Variants in FADD observed in about 807,000 individuals in gnomAD.
FADD encodes the protein Fas associated via death domain.
Under a neutral mutation model 5.8 loss-of-function variants are expected in FADD, and 3 were observed. The ratio of observed to expected loss-of-function variants is 0.52; its 90% CI spans 0.24 to 1.34. The LOEUF is 1.34. Among genes scored for constraint, FADD ranks in the 40% most tolerant of loss-of-function variants. The pLI is 0.17. For missense variants in FADD, 249 were observed against 286.7 expected, an observed-to-expected ratio of 0.87 and a Z score of 0.95; for synonymous variants, 138 against 130.8, an observed-to-expected ratio of 1.06 and a Z score of -0.38.
At chr11:70,204,119 A>G (rs1006354578) in intron 1 of FADD, among the ~76,000 whole-genome samples, 8 of 152,194 alleles carry the variant, frequency 5.3e-5, no homozygotes, top group Non-Finnish European at 1.0e-4. Flanking sequence ...GAGTAATACT[A>G]GCATTCAGTA....
chr11:70,203,694 G>A lies in FADD; in HGVS notation c.235G>A (p.Val79Ile). Residue 79 changes from valine (V) to isoleucine (I), a missense_variant, in exon 1 of 2, where the codon GTC (valine) becomes ATC (isoleucine). Physicochemically the swap from Val to Ile is conservative, Grantham distance 29. Coordinates refer to ENST00000301838, the MANE Select transcript of FADD (RefSeq NM_003824.4). ...SLRRHDLLRR[V>I]DDFEAGAAAG... ...GCGGCGCCACGACCTGCTGCGGCGC[G>A]TCGACGACTTCGAGGCGGGGGCGGC... The A allele has an allele frequency of 6.7e-7, 1 of 1,488,690 alleles. No individual in the cohort carries two copies. Among genetic ancestry groups the A allele is most frequent in the Non-Finnish European group, 8.9e-7 (1 of 1,124,844 alleles). The allele number at this position is 1,488,690 out of a possible 1,614,324, so 92.2% of individuals were successfully genotyped here.
chr11:70,204,589 A>C (rs2049445728), intron 1 of FADD, among the ~76,000 whole-genome samples: 1 of 152,182 alleles, frequency 6.6e-6, no homozygotes, highest in African/African-American at 2.4e-5. Context: ...TCAGCCATTC[A>C]GTCACCAATC....
At chr11:70,205,008 A>G (rs1211475227) in intron 1 of FADD, among the ~76,000 whole-genome samples, 1 of 152,184 alleles carries the variant, frequency 6.6e-6, no homozygotes, top group Non-Finnish European at 1.5e-5. Flanking sequence ...CCACACTCTT[A>G]GGGTTTCAGA....
In FADD at chr11:70,206,282, A is replaced by C; in HGVS notation, c.436A>C (p.Arg146=). 3.7e-6 allele frequency: 6 copies of C among 1,614,212 alleles called. No individual in the cohort carries two copies. Among genetic ancestry groups the C allele is most frequent in the Non-Finnish European group, 4.2e-6 (5 of 1,180,032 alleles). ...GACAGAGCGTGTGCGGGAGTCACTGAGAATCTGGAAGAACACAGAGAAGGA... is the reference window on the plus strand; with the variant it reads ...GACAGAGCGTGTGCGGGAGTCACTGCGAATCTGGAAGAACACAGAGAAGGA... ...NLTERVRESL[R]IWKNTEKENA... is the part of the protein sequence containing the mutation. Residue 146 remains arginine (R), a synonymous_variant, in exon 2 of 2, where the codon AGA becomes CGA. Coordinates refer to ENST00000301838, the MANE Select transcript of FADD (RefSeq NM_003824.4).
At chr11:70,204,553 C>T (rs1374232546) in intron 1 of FADD, among the ~76,000 whole-genome samples, 1 of 152,196 alleles carries the variant, frequency 6.6e-6, no homozygotes, top group Non-Finnish European at 1.5e-5. Context: ...GGACGCCTCT[C>T]AGAGGCTTCA....
rs1208438573 is a variant in FADD, at chr11:70,206,251, C to T, written c.405C>T (p.Arg135=). ...ACAGCATCGAGGACAGATACCCCCG[C>T]AACCTGACAGAGCGTGTGCGGGAGT... ...KIDSIEDRYP[R]NLTERVRESL... is the part of the protein sequence containing the mutation. Residue 135 remains arginine (R), a synonymous_variant, in exon 2 of 2, where the codon CGC becomes CGT. Coordinates refer to ENST00000301838, the MANE Select transcript of FADD (RefSeq NM_003824.4). The T allele has an allele frequency of 6.2e-7, 1 of 1,614,050 alleles. No individual in the cohort carries two copies. Among genetic ancestry groups the T allele is most frequent in the East Asian group, 2.2e-5 (1 of 44,884 alleles).
At position 70,206,437 on chromosome 11, in the gene FADD, A is replaced by G. The variant is rs2049461185; in HGVS notation, c.591A>G (p.Ser197=). 4 of 1,614,018 alleles carry G rather than the reference A, an allele frequency of 2.5e-6. No individual in the cohort carries two copies. Among genetic ancestry groups the G allele is most frequent in the Non-Finnish European group, 3.4e-6 (4 of 1,180,006 alleles). The change falls in exon 2 of 2, where the codon TCA becomes TCG. Residue 197 remains serine, a synonymous_variant. Coordinates refer to ENST00000301838, the MANE Select transcript of FADD (RefSeq NM_003824.4). ...QNRSGAMSPM[S]WNSDASTSEA... ...GGAGTGGGGCCATGTCCCCGATGTC[A>G]TGGAACTCAGACGCATCTACCTCCG...
intron 1 of FADD, among the ~76,000 whole-genome samples, 164 bp from the exon 2 acceptor site, chr11:70,205,969 G>C (rs1340769688): frequency 1.8e-5 from 1 of 54,054 alleles, no homozygotes; most frequent in Non-Finnish European, 4.2e-5. Flanking sequence ...TGGGCATTTG[G>C]TGCAGCCCCT....
chr11:70,205,681 C>T (rs2049453952), intron 1 of FADD, among the ~76,000 whole-genome samples: 1 of 152,198 alleles, frequency 6.6e-6, no homozygotes, highest in South Asian at 2.1e-4. Flanking sequence ...CTCAGCTTAC[C>T]TTTGCAAAGA....
Position 70,206,443 on chromosome 11 carries a change from C to G in FADD, c.597C>G (p.Asn199Lys). 6.2e-7 allele frequency: 1 copy of G among 1,614,078 alleles called. No individual in the cohort carries two copies. The highest frequency in any genetic ancestry group is 8.5e-7 in the Non-Finnish European group (1 of 1,180,044). ...GGGCCATGTCCCCGATGTCATGGAACTCAGACGCATCTACCTCCGAAGCGT... is the reference window on the plus strand; with the variant it reads ...GGGCCATGTCCCCGATGTCATGGAAGTCAGACGCATCTACCTCCGAAGCGT... ...RSGAMSPMSWNSDASTSEAS is the reference protein window; with the variant it reads ...RSGAMSPMSWKSDASTSEAS The change falls in exon 2 of 2, where the codon AAC becomes AAG. Residue 199 changes from asparagine (N) to lysine (K), a missense_variant. Coordinates refer to ENST00000301838, the MANE Select transcript of FADD (RefSeq NM_003824.4).
At chr11:70,203,879 T>G (rs1455661064) in intron 1 of FADD, 134 bp downstream of exon 1, 2 of 445,682 alleles carry the variant, frequency 4.5e-6, no homozygotes, top group Non-Finnish European at 7.6e-6. Context: ...CGTACAGCCC[T>G]GGTTTTGCAG....
In FADD at chr11:70,206,727, C is replaced by T. The variant is rs1056616576; in HGVS notation, c.*254C>T. The T allele has an allele frequency of 5.7e-5, 30 of 522,130 alleles. No homozygotes were observed. Among genetic ancestry groups the T allele is most frequent in the Non-Finnish European group, 9.1e-5 (26 of 286,898 alleles). The allele number at this position is 522,130 out of a possible 1,614,324, so 32.3% of individuals were successfully genotyped here. A position where few individuals can be genotyped will look rare whatever the true frequency, so the allele number is the denominator to read the frequency against. ...CAAGATCTTGTCTCCACTAAATGAGCTCCTGCGGGAGTAGTTGGAAAGTTG... is the reference window on the plus strand; with the variant it reads ...CAAGATCTTGTCTCCACTAAATGAGTTCCTGCGGGAGTAGTTGGAAAGTTG... On this transcript the variant is annotated 3_prime_UTR_variant, in exon 2 of 2. Transcript: ENST00000301838.
In FADD at chr11:70,203,501, C is replaced by A; in HGVS notation, c.42C>A (p.Ser14Arg). 1 of 1,605,056 alleles carries A rather than the reference C, an allele frequency of 6.2e-7. No homozygotes were observed. The highest frequency in any genetic ancestry group is 1.7e-5 in the Admixed American group (1 of 58,882). ...TGCTGCTGCACTCGGTGTCGTCCAGCCTGTCGAGCAGCGAGCTGACCGAGC... is the reference window on the plus strand; with the variant it reads ...TGCTGCTGCACTCGGTGTCGTCCAGACTGTCGAGCAGCGAGCTGACCGAGC... ...FLVLLHSVSS[S>R]LSSSELTELK... The change falls in exon 1 of 2, where the codon AGC (serine) becomes AGA (arginine). Residue 14 changes from serine to arginine, a missense_variant. Coordinates refer to ENST00000301838, the MANE Select transcript of FADD (RefSeq NM_003824.4).
rs2049439639 is a variant in FADD at position 70,203,717 on chromosome 11, G to A, written c.258G>A (p.Ala86=). ...GCGTCGACGACTTCGAGGCGGGGGCGGCGGCCGGGGCCGCGCCTGGGGAAG... is the reference window on the plus strand; with the variant it reads ...GCGTCGACGACTTCGAGGCGGGGGCAGCGGCCGGGGCCGCGCCTGGGGAAG... The part of the protein sequence containing the change: ...LRRVDDFEAG[A]AAGAAPGEED... The change falls in exon 1 of 2, where the codon GCG becomes GCA. Residue 86 remains alanine (A), a synonymous_variant. Coordinates refer to ENST00000301838, the MANE Select transcript of FADD (RefSeq NM_003824.4). 7.1e-7 allele frequency: 1 copy of A among 1,416,472 alleles called. No homozygotes were observed. The highest frequency in any genetic ancestry group is 3.2e-5 in the Admixed American group (1 of 31,154). 87.7% of individuals were successfully genotyped at this position (1,416,472 alleles called of 1,614,324 possible).
chr11:70,203,776 G>T lies in FADD; in HGVS notation c.286+31G>T, dbSNP rs2049440328. Reference sequence around the variant, plus strand: ...CGCGGGGCCGGGCCGGGGGAGCCAGGGCCTGGTCGCCCGGCTGTAGGTGCT... The same window carrying T: ...CGCGGGGCCGGGCCGGGGGAGCCAGTGCCTGGTCGCCCGGCTGTAGGTGCT... On this transcript the variant is annotated intron_variant, in intron 1 of 1. Coordinates refer to ENST00000301838, the MANE Select transcript of FADD (RefSeq NM_003824.4). 1.1e-5 allele frequency: 12 copies of T among 1,136,006 alleles called. No individual in the cohort carries two copies. In the South Asian group the frequency reaches 2.8e-4, roughly 26 times the overall value. 70.4% of individuals were successfully genotyped at this position (1,136,006 alleles called of 1,614,324 possible). A position where few individuals can be genotyped will look rare whatever the true frequency, so the allele number is the denominator to read the frequency against.
chr11:70,205,498 G>A (rs2049452366), intron 1 of FADD, among the ~76,000 whole-genome samples: 1 of 152,166 alleles, frequency 6.6e-6, no homozygotes, highest in East Asian at 1.9e-4. Flanking sequence ...CACACCCTCG[G>A]AATGCTGTTG....
Position 70,203,675 on chromosome 11 carries a change from C to T in FADD, c.216C>T (p.Arg72=). ...LLRELLASLR[R]HDLLRRVDDF... ...GCGAGCTGCTCGCCTCCCTGCGGCGCCACGACCTGCTGCGGCGCGTCGACG... is the reference window on the plus strand; with the variant it reads ...GCGAGCTGCTCGCCTCCCTGCGGCGTCACGACCTGCTGCGGCGCGTCGACG... The change falls in exon 1 of 2, where the codon CGC becomes CGT. Residue 72 remains arginine (R), a synonymous_variant. Coordinates refer to ENST00000301838, the MANE Select transcript of FADD (RefSeq NM_003824.4). 1 of 1,533,536 alleles carries T rather than the reference C, an allele frequency of 6.5e-7. No homozygotes were observed. The highest frequency in any genetic ancestry group is 8.7e-7 in the Non-Finnish European group (1 of 1,144,836). The allele number at this position is 1,533,536 out of a possible 1,614,324, so 95.0% of individuals were successfully genotyped here.
rs999772864 is a variant in FADD at position 70,203,374 on chromosome 11, G to C, written c.-86G>C. 1 of 1,535,058 alleles carries C rather than the reference G, an allele frequency of 6.5e-7. No individual in the cohort carries two copies. Among genetic ancestry groups the C allele is most frequent in the Non-Finnish European group, 8.8e-7 (1 of 1,141,348 alleles). On this transcript the variant is annotated 5_prime_UTR_variant, in exon 1 of 2. Transcript: ENST00000301838. ...GGAATCCTTGGGCCGCTGGGCAAGCGGCGAGACCTGGCCAGGGCCAGCGAG... is the reference window on the plus strand; with the variant it reads ...GGAATCCTTGGGCCGCTGGGCAAGCCGCGAGACCTGGCCAGGGCCAGCGAG...
rs756872185 is a variant in FADD, at chr11:70,207,259, G to C, written c.*786G>C. ...CAATTCTACAGTTTCTTACTGTTTT[G>C]TATCAAAATCACTATCTTTCTGATA... On this transcript the variant is annotated 3_prime_UTR_variant, in exon 2 of 2. Transcript: ENST00000301838. 6.6e-6 allele frequency: 1 copy of C among 152,116 alleles called. No individual in the cohort carries two copies. Among genetic ancestry groups the C allele is most frequent in the Admixed American group, 6.6e-5 (1 of 15,258 alleles). 9.4% of individuals were successfully genotyped at this position (152,116 alleles called of 1,614,324 possible).
Sources: gnomAD v4.1 joint callset for allele counts (sites outside exome capture counted in the v4.1 genomes callset) on GRCh38, gnomAD v4.1.1 for gene constraint, MANE v1.5 for transcripts, NCBI Gene and HGNC (gene_info 2026-07-23, HGNC 2026-07-21) for gene names.